The following DOT1L variants were observed in gnomAD, a reference collection of about 807,000 sequenced individuals.
DOT1L encodes histone-lysine N-methyltransferase, H3 lysine-79 specific.
Under a neutral mutation model 153.3 loss-of-function variants are expected in DOT1L, and 33 were observed. The observed-to-expected ratio is 0.22, with a 90% confidence interval of 0.16 to 0.29. The LOEUF (loss-of-function observed/expected upper bound fraction) is 0.29. DOT1L is among the 10% of genes least tolerant of loss of function. The pLI, the probability that DOT1L is intolerant of heterozygous loss-of-function variation, is 1.00. For synonymous variants in DOT1L, 1,135 were observed against 965.1 expected (o/e 1.18, Z -3.26); for missense variants, 1,847 against 2,119.9 (o/e 0.87, Z 2.53).
At chr19:2,225,592 C>G in intron 26 of DOT1L, 140 bp downstream of exon 26, 2 of 961,122 alleles carry the variant, frequency 2.1e-6, no homozygotes, top group South Asian at 2.7e-5. Flanking sequence ...CTGCGTGGTG[C>G]TGGCCTGCTG....
chr19:2,210,506 C>G lies in DOT1L; in HGVS notation c.1112C>G (p.Pro371Arg), dbSNP rs777319247. 4.4e-6 allele frequency: 7 copies of G among 1,595,664 alleles called. No homozygotes were observed. The highest frequency in any genetic ancestry group is 6.0e-6 in the Non-Finnish European group (7 of 1,171,426). ...EGKVAGPADA[P>R]MDSGAEEEKA... is the part of the protein sequence containing the mutation. ...AAGGTGGCCGGCCCCGCCGACGCCCCCATGGTAAGGCCCCAGCCTGGCTCC... is the reference window on the plus strand; with the variant it reads ...AAGGTGGCCGGCCCCGCCGACGCCCGCATGGTAAGGCCCCAGCCTGGCTCC... Residue 371 changes from proline (P) to arginine (R), a missense_variant, in exon 13 of 28, where the codon CCC becomes CGC. Physicochemically the swap from Pro to Arg is moderately radical, Grantham distance 103. Coordinates refer to ENST00000398665, the MANE Select transcript of DOT1L (RefSeq NM_032482.3).
intron 24 of DOT1L, 23 bp from the exon 25 acceptor site, chr19:2,223,258 C>T (rs752863648): frequency 1.2e-6 from 2 of 1,612,262 alleles, no homozygotes; most frequent in East Asian, 2.2e-5. Flanking sequence ...GTATGTGCAT[C>T]CATTGTGTCT....
Position 2,229,939 on chromosome 19 carries a change from C to T in DOT1L, c.*147C>T, listed in dbSNP as rs1488832277. ...AGCTCCACTGTGAATCGGCGGCACG[C>T]GCCGCAGGAGGCTGGGACTGGTCCA... is the stretch of plus-strand genomic sequence containing the variant. On this transcript the variant is annotated 3_prime_UTR_variant, in exon 28 of 28. Transcript: ENST00000398665. 2.6e-5 allele frequency: 37 copies of T among 1,403,376 alleles called. No homozygotes were observed. Among genetic ancestry groups the T allele is most frequent in the African/African-American group, 4.3e-5 (3 of 70,566 alleles). The allele number at this position is 1,403,376 out of a possible 1,614,324, so 86.9% of individuals were successfully genotyped here. A position where few individuals can be genotyped will look rare whatever the true frequency, so the allele number is the denominator to read the frequency against.
At chr19:2,196,949 C>T (rs770289488) in intron 7 of DOT1L, among the ~76,000 whole-genome samples, 2 of 151,828 alleles carry the variant, frequency 1.3e-5, no homozygotes, top group Admixed American at 6.5e-5. Context: ...AGTGTCAGCG[C>T]GGTGCTGTGG....
chr19:2,223,882 C>G (rs1168087347), intron 25 of DOT1L, among the ~76,000 whole-genome samples: 1 of 152,194 alleles, frequency 6.6e-6, no homozygotes, highest in African/African-American at 2.4e-5. Context: ...ATTCAGAGGT[C>G]TTTGGTATAT....
At chr19:2,173,668 C>A (rs576565278) in intron 1 of DOT1L, among the ~76,000 whole-genome samples, 1 of 152,214 alleles carries the variant, frequency 6.6e-6, no homozygotes, top group Non-Finnish European at 1.5e-5. Context: ...ACAGCGGGCA[C>A]GGGTTCTGCG....
In DOT1L at chr19:2,226,754, C is replaced by T. The variant is rs749724453; in HGVS notation, c.4233C>T (p.Ala1411=). ...DKTPLLSGKA[A]KARDREVDLK... ...CCCCACTGCTGAGCGGCAAGGCCGC[C>T]AAGGCCCGGGACCGCGAGGTCGACC... is the stretch of plus-strand genomic sequence containing the variant. Residue 1411 remains alanine, a synonymous_variant, in exon 27 of 28, where the codon GCC becomes GCT. Transcript: ENST00000398665. The T allele has an allele frequency of 2.6e-6, 4 of 1,559,308 alleles. No homozygotes were observed. In the East Asian group the frequency reaches 9.1e-5, roughly 36 times the overall value.
intron 7 of DOT1L, among the ~76,000 whole-genome samples, chr19:2,199,172 C>T (rs555818398): frequency 8.1e-4 from 124 of 152,350 alleles, no homozygotes; most frequent in Non-Finnish European, 1.2e-3. Context: ...TTCTCCTGGA[C>T]GGTGCCAGGT....
intron 7 of DOT1L, among the ~76,000 whole-genome samples, chr19:2,195,418 C>G (rs563344733): frequency 6.6e-6 from 1 of 152,148 alleles, no homozygotes; most frequent in South Asian, 2.1e-4. Context: ...GATGGCGCCC[C>G]GGGCCCATCT....
At position 2,193,568 on chromosome 19, in the gene DOT1L, T is replaced by C; in HGVS notation, c.494-121T>C. On this transcript the variant is annotated intron_variant, in intron 5 of 27. Coordinates refer to ENST00000398665, the MANE Select transcript of DOT1L (RefSeq NM_032482.3). This position sits in a 1 kb window ranked among gnomAD's most constrained non-coding sequence, Gnocchi z 5.9. ...TGGAGCATCGGATATGTGTGGAGAC[T>C]GTGGCCTCCCCTGTGGGTCTTCATG... 3 of 835,250 alleles carry C rather than the reference T, an allele frequency of 3.6e-6. No individual in the cohort carries two copies. The highest frequency in any genetic ancestry group is 2.5e-5 in the East Asian group (1 of 39,414). The allele number at this position is 835,250 out of a possible 1,614,324, so 51.7% of individuals were successfully genotyped here.
rs1321616651 is a variant in DOT1L, at chr19:2,164,193, G to C, written c.9G>C (p.Glu3Asp). The change falls in exon 1 of 28, where the codon GAG (glutamate) becomes GAC (aspartate). Residue 3 changes from glutamate to aspartate, a missense_variant. Transcript: ENST00000398665. MGEKLELRLKSPV... is the reference protein window; with the variant it reads MGDKLELRLKSPV... ...CGGCCGCGCGCGCGGACATGGGGGA[G>C]AAGCTGGAGCTGAGACTGAAGTCGC... 7.9e-7 allele frequency: 1 copy of C among 1,263,908 alleles called. No individual in the cohort carries two copies. Among genetic ancestry groups the C allele is most frequent in the Non-Finnish European group, 1.0e-6 (1 of 1,004,268 alleles). 78.3% of individuals were successfully genotyped at this position (1,263,908 alleles called of 1,614,324 possible).
intron 7 of DOT1L, among the ~76,000 whole-genome samples, chr19:2,199,496 G>A (rs1016562205): frequency 2.6e-5 from 4 of 152,220 alleles, no homozygotes; most frequent in Non-Finnish European, 4.4e-5. Context: ...GCCCTGCCTC[G>A]GGGCGCCCCT....
chr19:2,213,404 C>G lies in DOT1L; in HGVS notation c.1558-135C>G. ...CCTGAGTATTTCTTGACATCTCAGC[C>G]CGGTGTGGGTCCCCTCAGGCATGTC... On this transcript the variant is annotated intron_variant, in intron 16 of 27. Transcript: ENST00000398665. 13 of 820,822 alleles carry G rather than the reference C, an allele frequency of 1.6e-5. No individual in the cohort carries two copies. In the South Asian group the frequency reaches 2.3e-4, roughly 14 times the overall value. The allele number at this position is 820,822 out of a possible 1,614,324, so 50.8% of individuals were successfully genotyped here.
chr19:2,213,708 C>T lies in DOT1L; in HGVS notation c.1659+68C>T, dbSNP rs542747977. 681 of 1,602,634 alleles carry T rather than the reference C, an allele frequency of 4.2e-4. 3 individuals carry two copies. The highest frequency in any genetic ancestry group is 3.5e-3 in the Middle Eastern group (21 of 6,032). ...GCAGGCTGGGGTGGTCCATGTCCGT[C>T]GGTATGGCTTCCTGTGGCTTCCTGT... On this transcript the variant is annotated intron_variant, in intron 17 of 27. Transcript: ENST00000398665.
chr19:2,218,628 A>G (rs556982864), intron 22 of DOT1L, among the ~76,000 whole-genome samples: 4 of 151,720 alleles, frequency 2.6e-5, no homozygotes, highest in Non-Finnish European at 5.9e-5. Flanking sequence ...CTCCTGACCT[A>G]GTGATCCGCC....
chr19:2,204,593 C>T lies in DOT1L; in HGVS notation c.787+1814C>T, dbSNP rs530505382. 9.8e-5 allele frequency among the ~76,000 whole-genome samples: 15 copies of T among 152,344 alleles called. No homozygotes were observed. The highest frequency in any genetic ancestry group is 1.6e-4 in the Non-Finnish European group (11 of 68,040). On this transcript the variant is annotated intron_variant, in intron 9 of 27. Transcript: ENST00000398665. The surrounding 1 kb of genome is among the most constrained non-coding windows in gnomAD (Gnocchi z 5.7). ...TCTGGCTGTTTCTCGCCAGCTTTCT[C>T]TGCACGATCAGACGTGGTGGCTGAG...
At position 2,217,985 on chromosome 19, in the gene DOT1L, A is replaced by T; in HGVS notation, c.2691+67A>T. ...GGCAAAACAGTCTGGGGTGCTCGAG[A>T]CCTGGCTCACTTTGCGAAGTCTCAC... On this transcript the variant is annotated intron_variant, in intron 22 of 27. Coordinates refer to ENST00000398665, the MANE Select transcript of DOT1L (RefSeq NM_032482.3). The surrounding 1 kb of genome is among the most constrained non-coding windows in gnomAD (Gnocchi z 7.3). The T allele has an allele frequency of 6.4e-7, 1 of 1,559,754 alleles. No homozygotes were observed. Among genetic ancestry groups the T allele is most frequent in the Admixed American group, 1.8e-5 (1 of 55,346 alleles).
rs145172873 is a variant in DOT1L, at chr19:2,166,783, A to G, written c.81+2518A>G. 6.0e-3 allele frequency among the ~76,000 whole-genome samples: 911 copies of G among 152,242 alleles called. 2 individuals carry two copies. Among genetic ancestry groups the G allele is most frequent in the Non-Finnish European group, 8.9e-3 (604 of 68,022 alleles). ...TTCGCTGGTTGCAGGGTACAGTTCT[A>G]TACGTTTTGACAAACTCATTGGGTG... On this transcript the variant is annotated intron_variant, in intron 1 of 27. Transcript: ENST00000398665.
At chr19:2,201,265 G>A (rs550014696) in intron 8 of DOT1L, among the ~76,000 whole-genome samples, 5 of 147,116 alleles carry the variant, frequency 3.4e-5, no homozygotes, top group Non-Finnish European at 6.0e-5. Context: ...CGTCCTCCCC[G>A]CATTCCTCGT....
Sources: gnomAD v4.1 joint callset for allele counts (sites outside exome capture counted in the v4.1 genomes callset) on GRCh38, gnomAD v4.1.1 for gene constraint, Gnocchi (gnomAD v3.1) non-coding constraint, MANE v1.5 for transcripts, NCBI Gene and HGNC (gene_info 2026-07-23, HGNC 2026-07-21) for gene names.